Variants in LGALS3 observed in about 807,000 individuals in gnomAD.
LGALS3 encodes galectin-3.
Under a neutral mutation model 20.7 loss-of-function variants are expected in LGALS3, and 18 were observed. The observed-to-expected ratio is 0.87, with a 90% confidence interval of 0.60 to 1.29. The LOEUF (loss-of-function observed/expected upper bound fraction) is 1.29. Ranked by LOEUF, LGALS3 falls within the 50% of genes most tolerant of loss-of-function variation. The pLI is 0.00. For synonymous variants in LGALS3, 112 were observed against 119.6 expected (o/e 0.94, Z 0.42); for missense variants, 315 against 314.7 (o/e 1.00, Z -0.01).
In LGALS3 at chr14:55,140,276, T is replaced by C. The variant is rs766799646; in HGVS notation, c.344T>C (p.Ile115Thr). Residue 115 changes from isoleucine to threonine, a missense_variant and splice_region_variant, in exon 4 of 6, where the codon ATT (isoleucine) becomes ACT (threonine). Ile to Thr is a moderately conservative substitution (Grantham distance 89, BLOSUM62 -1). Transcript: ENST00000254301. The stretch of plus-strand genomic sequence containing the variant: ...ACATATGTACTTGTTAATTCCCAGA[T>C]TGTGCCTTATAACCTGCCTTTGCCT... ...GPYGAPAGPLIVPYNLPLPGG... is the reference protein window; with the variant it reads ...GPYGAPAGPLTVPYNLPLPGG... The C allele has an allele frequency of 1.9e-6, 3 of 1,608,848 alleles. No individual in the cohort carries two copies. The highest frequency in any genetic ancestry group is 2.2e-5 in the South Asian group (2 of 90,794).
In LGALS3 at chr14:55,138,236, TCCC is replaced by T. The variant is rs758926550; in HGVS notation, c.211_213del (p.Pro71del). ...CCTACCCTGGAGCACCTGGAGCTTA[TCCC>T]GGAGCACCTGCACCTGGAGTCTACC... On this transcript the variant is annotated inframe_deletion, in exon 3 of 6. Transcript: ENST00000254301. 19 of 1,612,524 alleles carry T rather than the reference TCCC, an allele frequency of 1.2e-5. No individual in the cohort carries two copies. The highest frequency in any genetic ancestry group is 1.1e-5 in the South Asian group (1 of 91,070).
Position 55,143,680 on chromosome 14 carries a change from A to G in LGALS3, c.597+931A>G, listed in dbSNP as rs140857310. On this transcript the variant is annotated intron_variant, in intron 5 of 5. Coordinates refer to ENST00000254301, the MANE Select transcript of LGALS3 (RefSeq NM_002306.4). ...CGTGATCCGCCCACCTCAGCTTCCC[A>G]AAGTGCTGGGAGGATTACAGGCATG... is the stretch of plus-strand genomic sequence containing the variant. The G allele has an allele frequency of 3.3e-4, 56 of 170,096 alleles. No individual in the cohort carries two copies. In the East Asian group the frequency reaches 8.4e-3, roughly 25 times the overall value. The allele number at this position is 170,096 out of a possible 1,614,324, so 10.5% of individuals were successfully genotyped here. A position where few individuals can be genotyped will look rare whatever the true frequency, so the allele number is the denominator to read the frequency against.
chr14:55,143,636 G>A (rs570257200), intron 5 of LGALS3: 2 of 190,402 alleles, frequency 1.1e-5, no homozygotes, highest in African/African-American at 4.8e-5. Flanking sequence ...TGGCCAGGAT[G>A]GTCTTGATCT....
intron 4 of LGALS3, 184 bp downstream of exon 4, chr14:55,140,547 A>G (rs1370503189): frequency 4.0e-6 from 2 of 503,106 alleles, no homozygotes; most frequent in Non-Finnish European, 3.5e-6. Context: ...AAATCCATAC[A>G]TATTCCCATA....
chr14:55,132,284 T>C (rs1881255297), intron 1 of LGALS3, among the ~76,000 whole-genome samples: 1 of 152,184 alleles, frequency 6.6e-6, no homozygotes, highest in Non-Finnish European at 1.5e-5. Context: ...ATTTCTCTAC[T>C]TTTAGTTTAT....
At chr14:55,144,605 C>T (rs1223894924) in intron 5 of LGALS3, among the ~76,000 whole-genome samples, 1 of 152,120 alleles carries the variant, frequency 6.6e-6, no homozygotes, top group Non-Finnish European at 1.5e-5. Flanking sequence ...ACTCTTTCGC[C>T]CAGGCTGGAG....
chr14:55,135,401 A>G (rs538813625), intron 1 of LGALS3, among the ~76,000 whole-genome samples: 1 of 152,214 alleles, frequency 6.6e-6, no homozygotes, highest in African/African-American at 2.4e-5. Context: ...ATATTCCAAA[A>G]TAAAAAAAAA....
At chr14:55,134,011 G>A (rs746136799) in intron 1 of LGALS3, among the ~76,000 whole-genome samples, 14 of 152,158 alleles carry the variant, frequency 9.2e-5, no homozygotes, top group Non-Finnish European at 1.6e-4. Flanking sequence ...CTAGATTGGC[G>A]GTCCTCAACT....
intron 4 of LGALS3, among the ~76,000 whole-genome samples, chr14:55,140,620 T>TA (rs1266306494): frequency 3.3e-5 from 5 of 152,200 alleles, no homozygotes; most frequent in Admixed American, 2.0e-4. Context: ...TATACTTTGA[T>TA]ATGTATTATG....
Position 55,138,317 on chromosome 14 carries a change from C to T in LGALS3, c.291C>T (p.Ala97=), listed in dbSNP as rs934824029. The part of the protein sequence containing the change: ...GAYPSSGQPS[A]TGAYPATGPY... ...ACCCATCTTCTGGACAGCCAAGTGC[C>T]ACCGGAGCCTACCCTGCCACTGGCC... Residue 97 remains alanine, a synonymous_variant, in exon 3 of 6, where the codon GCC becomes GCT. Transcript: ENST00000254301. 6.2e-7 allele frequency: 1 copy of T among 1,612,424 alleles called. No homozygotes were observed. Among genetic ancestry groups the T allele is most frequent in the Non-Finnish European group, 8.5e-7 (1 of 1,179,766 alleles).
chr14:55,140,424 G>A (rs1465911179), intron 4 of LGALS3, 61 bp downstream of exon 4: 1 of 1,074,308 alleles, frequency 9.3e-7, no homozygotes, highest in African/African-American at 1.6e-5. Context: ...AATAAAGAAT[G>A]GCCTACTTTT....
chr14:55,134,372 C>T (rs907185222), intron 1 of LGALS3, among the ~76,000 whole-genome samples: 1 of 152,200 alleles, frequency 6.6e-6, no homozygotes, highest in Admixed American at 6.5e-5. Flanking sequence ...CAATAAGCTC[C>T]TGTGCAATGA....
chr14:55,133,979 G>T (rs1295124908), intron 1 of LGALS3, among the ~76,000 whole-genome samples: 1 of 152,228 alleles, frequency 6.6e-6, no homozygotes, highest in Non-Finnish European at 1.5e-5. Context: ...GTACATTCAT[G>T]TAGGGATACA....
chr14:55,131,564 C>T (rs924742926), intron 1 of LGALS3, among the ~76,000 whole-genome samples: 2 of 152,196 alleles, frequency 1.3e-5, no homozygotes, highest in Non-Finnish European at 2.9e-5. Context: ...CATAGCTCTT[C>T]TTTCCTGTGA....
chr14:55,136,674 T>C (rs1451525148), intron 1 of LGALS3, among the ~76,000 whole-genome samples: 3 of 152,356 alleles, frequency 2.0e-5, no homozygotes, highest in African/African-American at 7.2e-5. Context: ...AATCCAGTTA[T>C]ACTTTTAGTT....
At position 55,131,258 on chromosome 14, in the gene LGALS3, GTAGAA is replaced by G. The variant is rs1190571248; in HGVS notation, c.-5+1962_-5+1966del. On this transcript the variant is annotated intron_variant, in intron 1 of 5. Coordinates refer to ENST00000254301, the MANE Select transcript of LGALS3 (RefSeq NM_002306.4). The stretch of plus-strand genomic sequence containing the variant: ...GACCCCGAAAACTAGCTGTGTCCAA[GTAGAA>G]TAGGTGTCTCGCTCTGTTAAGCGGT... Among the ~76,000 whole-genome samples the G allele has an allele frequency of 9.2e-5, 14 of 152,336 alleles. No individual in the cohort carries two copies. The East Asian group carries it at 1.9e-3, about 21-fold the overall frequency.
intron 4 of LGALS3, 26 bp downstream of exon 4, chr14:55,140,389 T>C: frequency 2.0e-6 from 3 of 1,466,020 alleles, no homozygotes; most frequent in Non-Finnish European, 2.9e-6. Context: ...TTAACAAGTC[T>C]ACTCTATTTG....
chr14:55,131,378 G>A (rs906492667), intron 1 of LGALS3, among the ~76,000 whole-genome samples: 2 of 152,194 alleles, frequency 1.3e-5, no homozygotes, highest in Non-Finnish European at 2.9e-5. Flanking sequence ...GCTAATGCTG[G>A]TCTCATGTAT....
chr14:55,132,513 T>G (rs1881261772), intron 1 of LGALS3, among the ~76,000 whole-genome samples: 1 of 152,204 alleles, frequency 6.6e-6, no homozygotes, highest in African/African-American at 2.4e-5. Flanking sequence ...CTTTTTTGTT[T>G]TCCTGAAAGT....
Sources: gnomAD v4.1 joint callset for allele counts (sites outside exome capture counted in the v4.1 genomes callset) on GRCh38, gnomAD v4.1.1 for gene constraint, MANE v1.5 for transcripts, NCBI Gene and HGNC (gene_info 2026-07-23, HGNC 2026-07-21) for gene names.